OLFM3: variants seen among roughly 807,000 people sequenced by gnomAD.
OLFM3 encodes the protein olfactomedin 3, also known as noelin-3.
Under a neutral mutation model 48.6 loss-of-function variants are expected in OLFM3, and 20 were observed. That is an observed-to-expected ratio of 0.41 (90% confidence interval 0.29 to 0.60). The LOEUF (loss-of-function observed/expected upper bound fraction) is 0.60, where lower values mean the gene tolerates loss of function less well. Ranked by LOEUF, OLFM3 falls within the 20% of genes least tolerant of loss-of-function variation. OLFM3 has a pLI of 0.28. For synonymous variants in OLFM3, 222 were observed against 198.1 expected (o/e 1.12, Z -1.01); for missense variants, 437 against 544.3 (o/e 0.80, Z 1.96).
chr1:101,943,051 C>T (rs542469602), intron 1 of OLFM3, among the ~76,000 whole-genome samples: 14 of 152,124 alleles, frequency 9.2e-5, no homozygotes, highest in South Asian at 8.3e-4. Flanking sequence ...AATGGGGCAT[C>T]GTGATGGTCT....
intron 1 of OLFM3, among the ~76,000 whole-genome samples, chr1:101,991,006 A>AT (rs1428727617): frequency 1.0e-5 from 1 of 97,596 alleles, no homozygotes; most frequent in Non-Finnish European, 2.1e-5. Flanking sequence ...AAAAAAAAAA[A>AT]AAAAAAAAAA....
chr1:101,927,206 G>C (rs1434709527), intron 1 of OLFM3, among the ~76,000 whole-genome samples: 1 of 152,064 alleles, frequency 6.6e-6, no homozygotes, highest in Non-Finnish European at 1.5e-5. Context: ...ATTGAGAAAA[G>C]AAGTAAAAAC....
chr1:101,836,885 C>T lies in OLFM3; in HGVS notation c.210G>A (p.Leu70=). The change falls in exon 2 of 6, where the codon CTG becomes CTA. Residue 70 remains leucine (L), a synonymous_variant. Coordinates refer to ENST00000370103, the MANE Select transcript of OLFM3 (RefSeq NM_058170.4). ...DAKSRQLRQL[L]EKVQNMSQSI... is the part of the protein sequence containing the mutation. ...GGGGACACAGGACACCTACCTTTTC[C>T]AGTAGTTGGCGAAGTTGCCTGCTTT... 2 of 1,614,036 alleles carry T rather than the reference C, an allele frequency of 1.2e-6. No homozygotes were observed. The highest frequency in any genetic ancestry group is 2.2e-5 in the East Asian group (1 of 44,874).
intron 1 of OLFM3, among the ~76,000 whole-genome samples, chr1:101,872,400 T>C (rs563191179): frequency 5.9e-5 from 9 of 152,160 alleles, no homozygotes; most frequent in Non-Finnish European, 1.0e-4. Flanking sequence ...ATTAATGGTA[T>C]ATTAAAAAGG....
chr1:101,928,559 C>T (rs1006368202), intron 1 of OLFM3, among the ~76,000 whole-genome samples: 1 of 152,092 alleles, frequency 6.6e-6, no homozygotes, highest in Non-Finnish European at 1.5e-5. Flanking sequence ...TAACAGAGAA[C>T]TTGAGAAAAC....
In OLFM3 at chr1:101,808,068, C is replaced by T. The variant is rs984200478; in HGVS notation, c.593-1886G>A. ...TAATCAACTGATGATATGAGCATAACAATTTCAAGTGTAAGTAGAGTGTAA... is the reference window on the plus strand; with the variant it reads ...TAATCAACTGATGATATGAGCATAATAATTTCAAGTGTAAGTAGAGTGTAA... On this transcript the variant is annotated intron_variant, in intron 4 of 5. Transcript: ENST00000370103. Among the ~76,000 whole-genome samples, 5 of 151,670 alleles carry T rather than the reference C, an allele frequency of 3.3e-5. No homozygotes were observed. The Admixed American group carries it at 3.3e-4, about 10-fold the overall frequency.
At chr1:101,912,050 A>AG (rs1247645215) in intron 1 of OLFM3, among the ~76,000 whole-genome samples, 3 of 152,214 alleles carry the variant, frequency 2.0e-5, no homozygotes, top group African/African-American at 7.2e-5. Context: ...CAGGAGAAGA[A>AG]GGGGGTTTAT....
intron 1 of OLFM3, among the ~76,000 whole-genome samples, chr1:101,954,189 A>G (rs1394092153): frequency 6.6e-6 from 1 of 152,132 alleles, no homozygotes; most frequent in East Asian, 1.9e-4. Context: ...ATAATTAAGA[A>G]CTGACCAAAT....
chr1:101,813,613 T>G lies in OLFM3; in HGVS notation c.593-7431A>C, dbSNP rs150140898. ...CTAGTGTTGGCCAGGGAAGGTCTTATGAACACTTATGAATTTAGTGTTTTG... is the reference window on the plus strand; with the variant it reads ...CTAGTGTTGGCCAGGGAAGGTCTTAGGAACACTTATGAATTTAGTGTTTTG... On this transcript the variant is annotated intron_variant, in intron 4 of 5. Transcript: ENST00000370103. Among the ~76,000 whole-genome samples, 268 of 152,340 alleles carry G rather than the reference T, an allele frequency of 1.8e-3. 1 individual carries two copies. The highest frequency in any genetic ancestry group is 5.6e-3 in the African/African-American group (233 of 41,590).
At chr1:101,978,389 A>G (rs17488808) in intron 1 of OLFM3, among the ~76,000 whole-genome samples, 37,658 of 152,104 alleles carry the variant, frequency 0.25, 5,232 homozygotes, top group Middle Eastern at 0.36. Context: ...ACTTTAAATT[A>G]TATGAAAAAA....
intron 1 of OLFM3, among the ~76,000 whole-genome samples, chr1:101,924,075 C>T (rs896900178): frequency 5.3e-5 from 8 of 152,088 alleles, no homozygotes; most frequent in African/African-American, 1.9e-4. Flanking sequence ...AGAGGTAAAC[C>T]ACATTAACTT....
intron 1 of OLFM3, among the ~76,000 whole-genome samples, chr1:101,957,251 C>T (rs780340384): frequency 6.6e-6 from 1 of 151,988 alleles, no homozygotes; most frequent in East Asian, 1.9e-4. Context: ...ATCTATATGG[C>T]TTAATCCCAA....
chr1:101,861,703 G>A (rs1656663769), intron 1 of OLFM3, among the ~76,000 whole-genome samples: 1 of 152,216 alleles, frequency 6.6e-6, no homozygotes, highest in Non-Finnish European at 1.5e-5. Flanking sequence ...TGTGTTAAGA[G>A]CATGGGCTTT....
chr1:101,931,659 G>A (rs1056754377), intron 1 of OLFM3, among the ~76,000 whole-genome samples: 9 of 152,222 alleles, frequency 5.9e-5, no homozygotes, highest in African/African-American at 2.2e-4. Context: ...TTATTAATGG[G>A]AAGTGGGAGA....
At chr1:101,968,230 A>T (rs189444232) in intron 1 of OLFM3, among the ~76,000 whole-genome samples, 11 of 152,162 alleles carry the variant, frequency 7.2e-5, no homozygotes, top group Non-Finnish European at 1.2e-4. Flanking sequence ...CTCTACCTAC[A>T]TGATGCATTT....
At chr1:101,925,129 C>T (rs1468548310) in intron 1 of OLFM3, among the ~76,000 whole-genome samples, 1 of 152,102 alleles carries the variant, frequency 6.6e-6, no homozygotes, top group Non-Finnish European at 1.5e-5. Context: ...TTTCATAAAA[C>T]ATGGCCTGCT....
chr1:101,813,062 C>T (rs1213841325), intron 4 of OLFM3: 13 of 1,266,794 alleles, frequency 1.0e-5, no homozygotes, highest in Middle Eastern at 2.2e-4. Context: ...AGGCAAGTCG[C>T]GTGTTATAGC....
At chr1:101,862,423 G>C (rs973686069) in intron 1 of OLFM3, among the ~76,000 whole-genome samples, 17 of 152,190 alleles carry the variant, frequency 1.1e-4, no homozygotes, top group African/African-American at 3.9e-4. Flanking sequence ...ACTGAGCACA[G>C]TGCTTATCTT....
intron 1 of OLFM3, among the ~76,000 whole-genome samples, chr1:101,969,486 G>A (rs933304978): frequency 2.0e-5 from 3 of 151,880 alleles, no homozygotes; most frequent in South Asian, 2.1e-4. Context: ...TTTTATTATC[G>A]TAAAGAGCCA....
Sources: allele counts gnomAD v4.1 joint callset (sites outside exome capture counted in the v4.1 genomes callset), GRCh38; gene constraint gnomAD v4.1.1; transcripts MANE v1.5; gene names NCBI Gene and HGNC (gene_info 2026-07-23, HGNC 2026-07-21).